Variants in PMP22 observed in about 807,000 individuals in gnomAD.
The protein encoded by PMP22 is peripheral myelin protein 22, also known as Charcot-Marie-Tooth neuropathy 1A (greatly reduced nerve conduction velocity, hereditary motor sensory neuropathy Ia).
Under a neutral mutation model 18.9 loss-of-function variants are expected in PMP22, and 2 were observed. The ratio of observed to expected loss-of-function variants is 0.11; its 90% CI spans 0.04 to 0.33. PMP22 has a LOEUF of 0.33. Among genes scored for constraint, PMP22 ranks in the 10% least tolerant of loss-of-function variants. The pLI is 1.00. For synonymous variants in PMP22, 95 were observed against 89.2 expected, an observed-to-expected ratio of 1.07 and a Z score of -0.37; for missense variants, 169 against 202.2, an observed-to-expected ratio of 0.84 and a Z score of 1.00.
At chr17:15,242,600 T>C (rs9889865) in intron 3 of PMP22, among the ~76,000 whole-genome samples, 8,091 of 152,030 alleles carry the variant, frequency 0.053, 696 homozygotes, top group African/African-American at 0.18. Context: ...TGAGAAGAAA[T>C]TGTTAAAATC....
chr17:15,237,833 A>G (rs1443629226), intron 4 of PMP22, among the ~76,000 whole-genome samples: 1 of 152,222 alleles, frequency 6.6e-6, no homozygotes, highest in Non-Finnish European at 1.5e-5. Context: ...AGCGAGGCAC[A>G]TCTCACACAT....
chr17:15,240,405 A>AT (rs59646634), intron 3 of PMP22, among the ~76,000 whole-genome samples: 5,069 of 121,354 alleles, frequency 0.042, 165 homozygotes, highest in East Asian at 0.14. Flanking sequence ...GACAACCCGT[A>AT]TTTTTTTTTT....
chr17:15,243,785 T>G (rs1008626257), intron 3 of PMP22, among the ~76,000 whole-genome samples: 1 of 148,078 alleles, frequency 6.8e-6, no homozygotes, highest in Non-Finnish European at 1.5e-5. Context: ...TATAATTATA[T>G]AACATATAAT....
chr17:15,250,193 T>C (rs1050192588), intron 3 of PMP22, among the ~76,000 whole-genome samples: 1 of 152,100 alleles, frequency 6.6e-6, no homozygotes, highest in Non-Finnish European at 1.5e-5. Flanking sequence ...GCTGGGATTA[T>C]AGGCGTGAGC....
intron 3 of PMP22, among the ~76,000 whole-genome samples, chr17:15,255,949 G>C (rs1908787901): frequency 6.6e-6 from 1 of 152,076 alleles, no homozygotes. Flanking sequence ...GGACCATCAA[G>C]GCAAGGCCCA....
intron 3 of PMP22, among the ~76,000 whole-genome samples, chr17:15,240,570 G>A (rs1907237934): frequency 6.6e-6 from 1 of 152,068 alleles, no homozygotes. Context: ...CAAGAAGACA[G>A]AGCCTCCTAT....
Position 15,231,035 on chromosome 17 carries a change from G to A in PMP22, c.365C>T (p.Pro122Leu), listed in dbSNP as rs768085434. 3.0e-5 allele frequency: 48 copies of A among 1,613,988 alleles called. No homozygotes were observed. Among genetic ancestry groups the A allele is most frequent in the Admixed American group, 1.3e-4 (8 of 60,006 alleles). The change falls in exon 5 of 5, where the codon CCG becomes CTG. Residue 122 changes from proline (P) to leucine (L), a missense_variant. Transcript: ENST00000312280. ...GTAATCCGAGTTGAGATGCCACTCC[G>A]GGTGCCTCACCGTGTAGATGGCCGC... ...SAAAIYTVRH[P>L]EWHLNSDYSY...
intron 4 of PMP22, among the ~76,000 whole-genome samples, chr17:15,233,287 G>A (rs1906507995): frequency 6.6e-6 from 1 of 152,208 alleles, no homozygotes; most frequent in Non-Finnish European, 1.5e-5. Context: ...CTTTGGCAAT[G>A]ACCGGGACTC....
intron 3 of PMP22, among the ~76,000 whole-genome samples, chr17:15,242,658 G>A (rs1395998126): frequency 6.6e-6 from 1 of 152,074 alleles, no homozygotes; most frequent in African/African-American, 2.4e-5. Context: ...ATAGATGTCA[G>A]GTAGACCAAA....
intron 3 of PMP22, among the ~76,000 whole-genome samples, chr17:15,251,075 T>C (rs1435168405): frequency 6.6e-6 from 1 of 152,156 alleles, no homozygotes; most frequent in Non-Finnish European, 1.5e-5. Context: ...CCTGCTCCCA[T>C]CCCTCTCTCC....
At chr17:15,259,784 A>G (rs1336412812) in intron 2 of PMP22, among the ~76,000 whole-genome samples, 2 of 149,066 alleles carry the variant, frequency 1.3e-5, no homozygotes, top group Admixed American at 6.6e-5. Flanking sequence ...TACTAAAAAT[A>G]CAAAAAAAAA....
chr17:15,257,807 C>G (rs1908970082), intron 3 of PMP22, among the ~76,000 whole-genome samples: 1 of 152,230 alleles, frequency 6.6e-6, no homozygotes, highest in African/African-American at 2.4e-5. Context: ...TCTGCTCCCT[C>G]CCCAACCCAG....
Position 15,258,928 on chromosome 17 carries a change from A to G in PMP22, c.178+166T>C, listed in dbSNP as rs1909062177. 2.9e-6 allele frequency: 2 copies of G among 687,160 alleles called. No homozygotes were observed. Among genetic ancestry groups the G allele is most frequent in the Non-Finnish European group, 5.3e-6 (2 of 375,068 alleles). 42.6% of individuals were successfully genotyped at this position (687,160 alleles called of 1,614,324 possible). ...GGATCTCAGCTTCCCCAGCGAGATC[A>G]CCACCCCTCCCATTTTCCCTGGACT... is the stretch of plus-strand genomic sequence containing the variant. On this transcript the variant is annotated intron_variant, in intron 3 of 4. Coordinates refer to ENST00000312280, the MANE Select transcript of PMP22 (RefSeq NM_000304.4). The surrounding 1 kb of genome is among the most constrained non-coding windows in gnomAD (Gnocchi z 4.1).
chr17:15,254,503 A>C (rs1227119818), intron 3 of PMP22, among the ~76,000 whole-genome samples: 2 of 152,214 alleles, frequency 1.3e-5, no homozygotes, highest in African/African-American at 4.8e-5. Context: ...CATTCACTAA[A>C]ATACTAGAAA....
chr17:15,240,358 G>A (rs1296449009), intron 3 of PMP22, among the ~76,000 whole-genome samples: 1 of 151,512 alleles, frequency 6.6e-6, no homozygotes, highest in Non-Finnish European at 1.5e-5. Context: ...GATGAAGAAA[G>A]GTATGCTCTC....
chr17:15,251,873 A>G (rs1480644101), intron 3 of PMP22, among the ~76,000 whole-genome samples: 3 of 152,072 alleles, frequency 2.0e-5, no homozygotes, highest in African/African-American at 4.8e-5. Flanking sequence ...AGCAAAGACT[A>G]TAGATTCCAG....
At chr17:15,243,277 C>T (rs79584355) in intron 3 of PMP22, among the ~76,000 whole-genome samples, 9,550 of 152,076 alleles carry the variant, frequency 0.063, 394 homozygotes, top group Non-Finnish European at 0.087. Flanking sequence ...TATTCAAGTA[C>T]ATAAAAGAAG....
rs59075019 is a variant in PMP22, at chr17:15,242,251, CAAAA to C, written c.179-2644_179-2641del. ...CTGGGCACAGAGAGAGACTCTGTCT[CAAAA>C]AAAAAAAAAAAAAAAAAAAAGAGAG... On this transcript the variant is annotated intron_variant, in intron 3 of 4. Transcript: ENST00000312280. Among the ~76,000 whole-genome samples the C allele has an allele frequency of 2.9e-4, 16 of 54,786 alleles. No homozygotes were observed. The East Asian group carries it at 4.0e-3, about 14-fold the overall frequency. 35.9% of individuals were successfully genotyped at this position (54,786 alleles called of 152,430 possible).
Position 15,230,829 on chromosome 17 carries a change from C to A in PMP22, c.*88G>T, listed in dbSNP as rs1309756495. Reference sequence around the variant, plus strand: ...TTTGGTTTGAGTTTGGGATTTTGGGCTAGCTCTTTTTTCTTTGTCTGCTTT... The same window carrying A: ...TTTGGTTTGAGTTTGGGATTTTGGGATAGCTCTTTTTTCTTTGTCTGCTTT... On this transcript the variant is annotated 3_prime_UTR_variant, in exon 5 of 5. Coordinates refer to ENST00000312280, the MANE Select transcript of PMP22 (RefSeq NM_000304.4). The A allele has an allele frequency of 1.4e-6, 2 of 1,466,432 alleles. No homozygotes were observed. The highest frequency in any genetic ancestry group is 4.5e-5 in the East Asian group (2 of 44,074). 90.8% of individuals were successfully genotyped at this position (1,466,432 alleles called of 1,614,324 possible).
Sources: gnomAD v4.1 joint callset for allele counts (sites outside exome capture counted in the v4.1 genomes callset) on GRCh38, gnomAD v4.1.1 for gene constraint, Gnocchi (gnomAD v3.1) non-coding constraint, MANE v1.5 for transcripts, NCBI Gene and HGNC (gene_info 2026-07-23, HGNC 2026-07-21) for gene names.